ANKRD34B: variants seen among roughly 807,000 people sequenced by gnomAD.
ANKRD34B encodes the protein ankyrin repeat domain 34B.
ANKRD34B carries 2 observed loss-of-function variants against 4.4 expected under a neutral mutation model. The ratio of observed to expected loss-of-function variants is 0.46; its 90% CI spans 0.19 to 1.44. The LOEUF is 1.44. Ranked by LOEUF, ANKRD34B falls within the 40% of genes most tolerant of loss-of-function variation. The pLI is 0.26. For missense variants in ANKRD34B, 558 were observed against 604.7 expected (o/e 0.92, Z 0.81); for synonymous variants, 226 against 227.1 (o/e 0.99, Z 0.05).
At position 80,558,192 on chromosome 5, in the gene ANKRD34B, A is replaced by AT. The variant is rs1056758258; in HGVS notation, c.*282dup. On this transcript the variant is annotated 3_prime_UTR_variant, in exon 5 of 5. Coordinates refer to ENST00000338682, the MANE Select transcript of ANKRD34B (RefSeq NM_001004441.3). ...CAACATACGTGGCCTTCTTTCTTTG[A>AT]TTTTTTTTTAATGACAAATTTGGAC... The AT allele has an allele frequency of 4.3e-3, 851 of 195,652 alleles. No homozygotes were observed. Among genetic ancestry groups the AT allele is most frequent in the East Asian group, 1.0e-2 (85 of 8,536 alleles). 12.1% of individuals were successfully genotyped at this position (195,652 alleles called of 1,614,324 possible). A position where few individuals can be genotyped will look rare whatever the true frequency, so the allele number is the denominator to read the frequency against.
Position 80,558,511 on chromosome 5 carries a change from C to A in ANKRD34B, c.1509G>T (p.Leu503Phe). The A allele has an allele frequency of 6.2e-7, 1 of 1,613,520 alleles. No individual in the cohort carries two copies. The highest frequency in any genetic ancestry group is 8.5e-7 in the Non-Finnish European group (1 of 1,179,706). ...CTAATTGCTTAATTTGTTCAGTTTG[C>A]AATGATTGTCTCCTTAACAACATTT... ...SKKMLLRRQS[L>F]QTEQIKQLVN... is the part of the protein sequence containing the mutation. The change falls in exon 5 of 5, where the codon TTG becomes TTT. Residue 503 changes from leucine to phenylalanine, a missense_variant. By Grantham distance (22) the Leu-to-Phe change is conservative. Coordinates refer to ENST00000338682, the MANE Select transcript of ANKRD34B (RefSeq NM_001004441.3).
Position 80,559,290 on chromosome 5 carries a change from G to C in ANKRD34B, c.730C>G (p.His244Asp). The C allele has an allele frequency of 6.2e-7, 1 of 1,614,174 alleles. No homozygotes were observed. Among genetic ancestry groups the C allele is most frequent in the South Asian group, 1.1e-5 (1 of 91,088 alleles). ...GGACTCTTGACCCAGGGTGGAGCGT[G>C]GGGGAGCTTGGGCCCCTTAGGGGCC... ...ALAPKGPKLP[H>D]APPWVKSPPL... Residue 244 changes from histidine to aspartate, a missense_variant, in exon 5 of 5, where the codon CAC becomes GAC. Transcript: ENST00000338682.
intron 3 of ANKRD34B, among the ~76,000 whole-genome samples, chr5:80,566,085 A>C (rs1284015094): frequency 6.6e-6 from 1 of 152,194 alleles, no homozygotes; most frequent in African/African-American, 2.4e-5. Context: ...AAATATTTTA[A>C]ATATGTGTAT....
intron 2 of ANKRD34B, among the ~76,000 whole-genome samples, chr5:80,568,433 G>A (rs1294679337): frequency 6.6e-6 from 1 of 152,204 alleles, no homozygotes; most frequent in East Asian, 1.9e-4. Context: ...GAGCTCACAG[G>A]TCCCAGAGAA....
chr5:80,562,653 G>A (rs532449214), intron 4 of ANKRD34B, among the ~76,000 whole-genome samples: 68 of 152,274 alleles, frequency 4.5e-4, no homozygotes, highest in Middle Eastern at 3.4e-3. Context: ...TACATTTGGT[G>A]CCACCGCGCC....
In ANKRD34B at chr5:80,558,382, G is replaced by A. The variant is rs1746309091; in HGVS notation, c.*93C>T. The A allele has an allele frequency of 2.0e-5, 21 of 1,040,530 alleles. No individual in the cohort carries two copies. Among genetic ancestry groups the A allele is most frequent in the Non-Finnish European group, 2.6e-5 (19 of 726,034 alleles). 64.5% of individuals were successfully genotyped at this position (1,040,530 alleles called of 1,614,324 possible). Reference sequence around the variant, plus strand: ...TAGCCATTATGGACTAACCAATCACGAGATTTAAAAGAATGAACATTTAAG... The same window carrying A: ...TAGCCATTATGGACTAACCAATCACAAGATTTAAAAGAATGAACATTTAAG... On this transcript the variant is annotated 3_prime_UTR_variant, in exon 5 of 5. Transcript: ENST00000338682.
Position 80,557,684 on chromosome 5 carries a change from A to T in ANKRD34B, c.*791T>A, listed in dbSNP as rs1047051423. On this transcript the variant is annotated 3_prime_UTR_variant, in exon 5 of 5. Coordinates refer to ENST00000338682, the MANE Select transcript of ANKRD34B (RefSeq NM_001004441.3). ...AACTAATAACAGGAATTAAAAGATG[A>T]TATGGAGAAAGAATAATTCCTTAAA... The T allele has an allele frequency of 7.2e-5, 11 of 151,834 alleles. No homozygotes were observed. Among genetic ancestry groups the T allele is most frequent in the African/African-American group, 2.7e-4 (11 of 41,132 alleles). The allele number at this position is 151,834 out of a possible 1,614,324, so 9.4% of individuals were successfully genotyped here.
rs1746716250 is a variant in ANKRD34B at position 80,570,148 on chromosome 5, A to T, written c.-339+6T>A. The T allele has an allele frequency of 6.6e-6, 1 of 152,362 alleles. No individual in the cohort carries two copies. Among genetic ancestry groups the T allele is most frequent in the East Asian group, 1.9e-4 (1 of 5,188 alleles). The allele number at this position is 152,362 out of a possible 1,614,324, so 9.4% of individuals were successfully genotyped here. A position where few individuals can be genotyped will look rare whatever the true frequency, so the allele number is the denominator to read the frequency against. ...GCAGCCGGCAGGGACGGCGCCTCAC[A>T]CTGACCTGGGACGCGCTGTCGAGTT... On this transcript the variant is annotated splice_donor_region_variant and intron_variant, in intron 1 of 4. Transcript: ENST00000338682.
At position 80,558,694 on chromosome 5, in the gene ANKRD34B, G is replaced by C; in HGVS notation, c.1326C>G (p.Thr442=). The change falls in exon 5 of 5, where the codon ACC becomes ACG. Residue 442 remains threonine, a synonymous_variant. Transcript: ENST00000338682. ...GTGGGAGAAACCCTTGTCTGGTTTGGGTAACACTGTGATCTAAAGGGAAAG... is the reference window on the plus strand; with the variant it reads ...GTGGGAGAAACCCTTGTCTGGTTTGCGTAACACTGTGATCTAAAGGGAAAG... ...SGAFPLDHSV[T]QTRQGFLPPL... The C allele has an allele frequency of 6.2e-7, 1 of 1,614,108 alleles. No individual in the cohort carries two copies. The highest frequency in any genetic ancestry group is 1.7e-5 in the Admixed American group (1 of 60,018).
rs770794401 is a variant in ANKRD34B at position 80,560,028 on chromosome 5, G to A, written c.-9C>T. On this transcript the variant is annotated 5_prime_UTR_variant, in exon 5 of 5. Transcript: ENST00000338682. ...TCCATACCTTCATCCATCTTCGGAG[G>A]TTAGAACTCAATACCTGGTTATCAA... The A allele has an allele frequency of 6.4e-7, 1 of 1,551,484 alleles. No individual in the cohort carries two copies. The highest frequency in any genetic ancestry group is 8.7e-7 in the Non-Finnish European group (1 of 1,148,564).
intron 3 of ANKRD34B, among the ~76,000 whole-genome samples, chr5:80,564,148 A>T (rs893422126): frequency 3.9e-4 from 59 of 152,042 alleles, no homozygotes; most frequent in African/African-American, 1.4e-3. Context: ...TCTTTAGGGG[A>T]AGGTATTTTA....
At chr5:80,569,345 C>A (rs1746683793) in intron 1 of ANKRD34B, among the ~76,000 whole-genome samples, 1 of 152,194 alleles carries the variant, frequency 6.6e-6, no homozygotes, top group Non-Finnish European at 1.5e-5. Flanking sequence ...GGGGCGCAGC[C>A]ACTGCCCCCA....
In ANKRD34B at chr5:80,568,993, G is replaced by A. The variant is rs1746671716; in HGVS notation, c.-224C>T. ...CCAAGTCTCAGGGAACCAAGGTGATGGGATTTCCAAGCTGTTGAGGATGCT... is the reference window on the plus strand; with the variant it reads ...CCAAGTCTCAGGGAACCAAGGTGATAGGATTTCCAAGCTGTTGAGGATGCT... On this transcript the variant is annotated 5_prime_UTR_variant, in exon 2 of 5. Transcript: ENST00000338682. The A allele has an allele frequency of 6.6e-6, 1 of 151,922 alleles. No homozygotes were observed. Among genetic ancestry groups the A allele is most frequent in the Admixed American group, 6.6e-5 (1 of 15,166 alleles). 9.4% of individuals were successfully genotyped at this position (151,922 alleles called of 1,614,324 possible).
chr5:80,563,899 T>C (rs946818296), intron 3 of ANKRD34B, 84 bp from the exon 4 acceptor site: 6 of 152,186 alleles, frequency 3.9e-5, no homozygotes, highest in East Asian at 3.8e-4. Flanking sequence ...TAATAGATCA[T>C]AGAAATGTAG....
Position 80,558,924 on chromosome 5 carries a change from C to A in ANKRD34B, c.1096G>T (p.Ala366Ser). 1.9e-6 allele frequency: 3 copies of A among 1,614,092 alleles called. No individual in the cohort carries two copies. The highest frequency in any genetic ancestry group is 1.7e-6 in the Non-Finnish European group (2 of 1,180,022). The change falls in exon 5 of 5, where the codon GCA (alanine) becomes TCA (serine). Residue 366 changes from alanine to serine, a missense_variant. Physicochemically the swap from Ala to Ser is moderately conservative, Grantham distance 99 (BLOSUM62 1). Coordinates refer to ENST00000338682, the MANE Select transcript of ANKRD34B (RefSeq NM_001004441.3). ...RSIVQKRNLG[A>S]NHYSSDSQLS... The stretch of plus-strand genomic sequence containing the variant: ...TGGGAATCAGAGCTGTAGTGATTTG[C>A]CCCCAAGTTTCTTTTTTGAACTATA...
chr5:80,561,520 C>A (rs1746405112), intron 4 of ANKRD34B, among the ~76,000 whole-genome samples: 2 of 152,140 alleles, frequency 1.3e-5, no homozygotes, highest in Admixed American at 6.5e-5. Context: ...GCAGAAATTT[C>A]ATTGTTAAAC....
chr5:80,559,712 A>G lies in ANKRD34B; in HGVS notation c.308T>C (p.Leu103Ser). ...LEKAGPEVVS[L>S]LLKSGADLSL... ...GAGGTCAGCCCCACTCTTGAGGAGCAAGGAAACAACTTCAGGGCCAGCTTT... is the reference window on the plus strand; with the variant it reads ...GAGGTCAGCCCCACTCTTGAGGAGCGAGGAAACAACTTCAGGGCCAGCTTT... The change falls in exon 5 of 5, where the codon TTG becomes TCG. Residue 103 changes from leucine (L) to serine (S), a missense_variant. Leu to Ser is a moderately radical substitution (Grantham distance 145). Transcript: ENST00000338682. The G allele has an allele frequency of 6.2e-7, 1 of 1,614,234 alleles. No individual in the cohort carries two copies. Among genetic ancestry groups the G allele is most frequent in the South Asian group, 1.1e-5 (1 of 91,084 alleles).
At chr5:80,562,330 C>T (rs1746427543) in intron 4 of ANKRD34B, among the ~76,000 whole-genome samples, 1 of 152,072 alleles carries the variant, frequency 6.6e-6, no homozygotes. Context: ...AGAAGTGCTA[C>T]CTTAGGTCAC....
chr5:80,565,289 C>A (rs1746532376), intron 3 of ANKRD34B, among the ~76,000 whole-genome samples: 1 of 152,216 alleles, frequency 6.6e-6, no homozygotes, highest in Admixed American at 6.5e-5. Flanking sequence ...TTGACGAAGA[C>A]CACTTCTCTT....
Sources: allele counts gnomAD v4.1 joint callset (sites outside exome capture counted in the v4.1 genomes callset), GRCh38; gene constraint gnomAD v4.1.1; transcripts MANE v1.5; gene names NCBI Gene and HGNC (gene_info 2026-07-23, HGNC 2026-07-21).